The following DLC1 variants were observed in gnomAD, a reference collection of about 807,000 sequenced individuals.
The protein encoded by DLC1 is DLC1 Rho GTPase activating protein, also known as rho GTPase-activating protein 7.
DLC1 carries 54 observed loss-of-function variants against 140.3 expected under a neutral mutation model. The ratio of observed to expected loss-of-function variants is 0.38; its 90% CI spans 0.31 to 0.48. The LOEUF is 0.48. DLC1 is among the 20% of genes least tolerant of loss of function. The pLI is 0.96. For synonymous variants in DLC1, 986 were observed against 728.1 expected (o/e 1.35, Z -5.70); for missense variants, 2,536 against 1,907.0 (o/e 1.33, Z -6.14).
At chr8:13,190,592 T>C (rs1483603395) in intron 5 of DLC1, among the ~76,000 whole-genome samples, 2 of 152,148 alleles carry the variant, frequency 1.3e-5, no homozygotes, top group Non-Finnish European at 1.5e-5. Flanking sequence ...AAGTCATAAA[T>C]AGGTAGCAAA....
At chr8:13,542,994 A>T (rs2117335601) in intron 1 of DLC1, among the ~76,000 whole-genome samples, 2 of 152,118 alleles carry the variant, frequency 1.3e-5, no homozygotes, top group East Asian at 3.9e-4. Context: ...TCTTTTTATC[A>T]CTATTATAAA....
chr8:13,088,197 G>C (rs7002004), intron 16 of DLC1, among the ~76,000 whole-genome samples: 2 of 151,958 alleles, frequency 1.3e-5, no homozygotes, highest in Non-Finnish European at 2.9e-5. Flanking sequence ...CTCCTGCCTC[G>C]GCCTCCCGAG....
At chr8:13,552,706 G>A (rs948742990) in intron 1 of DLC1, among the ~76,000 whole-genome samples, 1 of 151,568 alleles carries the variant, frequency 6.6e-6, no homozygotes, top group African/African-American at 2.4e-5. Flanking sequence ...ACAGGAAAAT[G>A]TTTTTTAAAG....
At chr8:13,374,420 T>C (rs1025365761) in intron 4 of DLC1, among the ~76,000 whole-genome samples, 1 of 152,128 alleles carries the variant, frequency 6.6e-6, no homozygotes, top group Non-Finnish European at 1.5e-5. Context: ...TTTTATAATA[T>C]GGTGGAAGGC....
At chr8:13,599,696 G>T (rs1805805830) in intron 1 of DLC1, among the ~76,000 whole-genome samples, 1 of 151,868 alleles carries the variant, frequency 6.6e-6, no homozygotes, top group South Asian at 2.1e-4. Context: ...TGGATTGGAA[G>T]ACTCAATATT....
intron 4 of DLC1, among the ~76,000 whole-genome samples, chr8:13,344,413 A>G (rs1281716226): frequency 1.3e-5 from 2 of 152,220 alleles, no homozygotes; most frequent in Non-Finnish European, 2.9e-5. Flanking sequence ...GAATAGCTTG[A>G]ACCCGGGAGG....
intron 2 of DLC1, among the ~76,000 whole-genome samples, chr8:13,492,395 C>T (rs755943969): frequency 1.3e-5 from 2 of 152,092 alleles, no homozygotes; most frequent in Non-Finnish European, 2.9e-5. Context: ...TACATATTCA[C>T]TTTTTGTCAA....
At position 13,083,624 on chromosome 8, in the gene DLC1, G is replaced by C. The variant is rs1053144784; in HGVS notation, c.*2187C>G. On this transcript the variant is annotated 3_prime_UTR_variant, in exon 18 of 18. Transcript: ENST00000276297. ...TTTTGTGGCATTCACTGGTGACCCT[G>C]ACTCTGCTTGCAAGCATCTTTCTGC... is the stretch of plus-strand genomic sequence containing the variant. 8 of 152,726 alleles carry C rather than the reference G, an allele frequency of 5.2e-5. No individual in the cohort carries two copies. Among genetic ancestry groups the C allele is most frequent in the African/African-American group, 1.9e-4 (8 of 41,554 alleles). 9.5% of individuals were successfully genotyped at this position (152,726 alleles called of 1,614,324 possible).
intron 1 of DLC1, among the ~76,000 whole-genome samples, chr8:13,526,731 A>G (rs1346108599): frequency 2.6e-5 from 4 of 151,818 alleles, no homozygotes; most frequent in South Asian, 2.1e-4. Flanking sequence ...ATAAGAACAC[A>G]TGGACACAGG....
intron 5 of DLC1, among the ~76,000 whole-genome samples, chr8:13,294,033 A>G (rs1831856796): frequency 6.6e-6 from 1 of 152,304 alleles, no homozygotes; most frequent in Admixed American, 6.5e-5. Flanking sequence ...AGTAGAACCA[A>G]TACTGTACTA....
chr8:13,175,171 G>C (rs1825690169), intron 5 of DLC1, among the ~76,000 whole-genome samples: 1 of 152,038 alleles, frequency 6.6e-6, no homozygotes. Flanking sequence ...AGATGGTGTG[G>C]GTATGCAGTT....
intron 2 of DLC1, among the ~76,000 whole-genome samples, chr8:13,466,789 T>C (rs1013874523): frequency 2.6e-5 from 4 of 152,216 alleles, no homozygotes; most frequent in Non-Finnish European, 5.9e-5. Flanking sequence ...TTTCAGGCTT[T>C]ATTTTTTAAT....
chr8:13,546,748 G>A (rs1396683605), intron 1 of DLC1, among the ~76,000 whole-genome samples: 2 of 152,062 alleles, frequency 1.3e-5, no homozygotes, highest in Non-Finnish European at 2.9e-5. Flanking sequence ...TTAGTAAATG[G>A]CTCTAAGCAT....
At chr8:13,566,962 G>T in intron 1 of DLC1, 1 of 1,516,578 alleles carries the variant, frequency 6.6e-7, no homozygotes, top group Non-Finnish European at 8.9e-7. Context: ...CTGGGCAAAG[G>T]AGATGAGGAG....
chr8:13,345,157 C>T (rs1027142131), intron 4 of DLC1, among the ~76,000 whole-genome samples: 8 of 151,988 alleles, frequency 5.3e-5, no homozygotes, highest in Admixed American at 2.0e-4. Flanking sequence ...ATATGGTTGG[C>T]TGGTGGAAGA....
At chr8:13,170,042 A>G (rs1196923786) in intron 5 of DLC1, among the ~76,000 whole-genome samples, 6 of 152,104 alleles carry the variant, frequency 3.9e-5, no homozygotes, top group African/African-American at 1.4e-4. Context: ...AATAAAAAAA[A>G]TTAGAGGAAT....
intron 1 of DLC1, among the ~76,000 whole-genome samples, chr8:13,528,934 G>A (rs1442202104): frequency 2.0e-5 from 3 of 152,154 alleles, no homozygotes; most frequent in African/African-American, 7.2e-5. Context: ...CTTAAGAGAA[G>A]ACTGTTCTAT....
At chr8:13,152,935 T>C (rs958406871) in intron 5 of DLC1, among the ~76,000 whole-genome samples, 2 of 152,188 alleles carry the variant, frequency 1.3e-5, no homozygotes, top group African/African-American at 4.8e-5. Flanking sequence ...TATGACTTAA[T>C]GAAACTTTGT....
At chr8:13,228,256 T>C (rs974377418) in intron 5 of DLC1, among the ~76,000 whole-genome samples, 9 of 151,974 alleles carry the variant, frequency 5.9e-5, no homozygotes, top group African/African-American at 2.2e-4. Context: ...ATTTCCTCTA[T>C]TGTGACTCAT....
Sources: gnomAD v4.1 joint callset for allele counts (sites outside exome capture counted in the v4.1 genomes callset) on GRCh38, gnomAD v4.1.1 for gene constraint, MANE v1.5 for transcripts, NCBI Gene and HGNC (gene_info 2026-07-23, HGNC 2026-07-21) for gene names.